Variants in WDR70 observed in about 807,000 individuals in gnomAD.
WDR70 encodes WD repeat domain 70.
A neutral mutation model predicts 88.6 loss-of-function variants in WDR70; 53 were observed. The ratio of observed to expected loss-of-function variants is 0.60; its 90% CI spans 0.48 to 0.75. WDR70 has a LOEUF of 0.75. Among genes scored for constraint, WDR70 ranks in the 30% least tolerant of loss-of-function variants. The probability of loss-of-function intolerance (pLI) is 0.00; values close to 1 mark genes in which losing one functional copy is unlikely to be tolerated. For missense variants in WDR70, 610 were observed against 823.2 expected (o/e 0.74, Z 3.17); for synonymous variants, 280 against 270.0 (o/e 1.04, Z -0.36).
intron 10 of WDR70, among the ~76,000 whole-genome samples, chr5:37,690,309 C>T (rs1386259174): frequency 6.6e-6 from 1 of 152,070 alleles, no homozygotes; most frequent in African/African-American, 2.4e-5. Flanking sequence ...TCCAGAACTT[C>T]CCCAACCTAG....
chr5:37,475,300 A>G (rs1022768607), intron 7 of WDR70, among the ~76,000 whole-genome samples: 3 of 151,780 alleles, frequency 2.0e-5, no homozygotes, highest in East Asian at 1.9e-4. Context: ...CAATGGCGCA[A>G]TCTGGCTCAC....
intron 16 of WDR70, among the ~76,000 whole-genome samples, chr5:37,725,920 G>T (rs1431574912): frequency 6.6e-6 from 1 of 152,072 alleles, no homozygotes; most frequent in African/African-American, 2.4e-5. Context: ...GTTCTGTACA[G>T]TCCAAATCAA....
chr5:37,445,498 C>T (rs182613918), intron 7 of WDR70, among the ~76,000 whole-genome samples: 334 of 152,142 alleles, frequency 2.2e-3, no homozygotes, highest in African/African-American at 7.7e-3. Context: ...GGATATTGGT[C>T]TAAAATTCTC....
At chr5:37,494,035 T>C (rs1372771945) in intron 8 of WDR70, among the ~76,000 whole-genome samples, 2 of 152,024 alleles carry the variant, frequency 1.3e-5, no homozygotes, top group African/African-American at 4.8e-5. Flanking sequence ...GCCAGGCTGG[T>C]CTCAAACTCC....
At chr5:37,662,924 A>G (rs1745739555) in intron 10 of WDR70, among the ~76,000 whole-genome samples, 1 of 152,338 alleles carries the variant, frequency 6.6e-6, no homozygotes, top group African/African-American at 2.4e-5. Flanking sequence ...GTGTTATTAA[A>G]ATACTGAGAC....
intron 6 of WDR70, among the ~76,000 whole-genome samples, chr5:37,442,341 A>G (rs1015168377): frequency 8.9e-5 from 3 of 33,562 alleles, no homozygotes; most frequent in African/African-American, 1.1e-4. Flanking sequence ...CTGGCCTGCA[A>G]ATTTTTTTTT....
At chr5:37,665,915 T>C (rs974130973) in intron 10 of WDR70, among the ~76,000 whole-genome samples, 1 of 152,212 alleles carries the variant, frequency 6.6e-6, no homozygotes, top group African/African-American at 2.4e-5. Context: ...CTCTGCTTCC[T>C]CACCCTCCCT....
At chr5:37,666,773 G>A (rs1392756340) in intron 10 of WDR70, among the ~76,000 whole-genome samples, 1 of 152,138 alleles carries the variant, frequency 6.6e-6, no homozygotes, top group African/African-American at 2.4e-5. Context: ...CGTTAAGTGT[G>A]CAGATCCTGG....
chr5:37,618,227 T>G (rs1484171301), intron 10 of WDR70, among the ~76,000 whole-genome samples: 1 of 152,242 alleles, frequency 6.6e-6, no homozygotes, highest in South Asian at 2.1e-4. Context: ...AAGCAAGCAG[T>G]TAATATAATC....
intron 10 of WDR70, among the ~76,000 whole-genome samples, chr5:37,653,582 G>T (rs187516409): frequency 6.6e-6 from 1 of 152,130 alleles, no homozygotes; most frequent in Non-Finnish European, 1.5e-5. Flanking sequence ...GCTTTTTTTG[G>T]TTAGTAGGCT....
At chr5:37,383,426 A>C (rs1748495363) in intron 3 of WDR70, among the ~76,000 whole-genome samples, 1 of 151,620 alleles carries the variant, frequency 6.6e-6, no homozygotes, top group African/African-American at 2.4e-5. Context: ...CGCCTGGCTA[A>C]TTTTTTTGTA....
intron 17 of WDR70, among the ~76,000 whole-genome samples, chr5:37,732,623 A>G (rs1748179604): frequency 6.6e-6 from 1 of 152,114 alleles, no homozygotes; most frequent in Admixed American, 6.6e-5. Flanking sequence ...AAGATGCTAA[A>G]AGGAGCTTTC....
chr5:37,536,979 A>G (rs1741687131), intron 9 of WDR70, among the ~76,000 whole-genome samples: 1 of 152,046 alleles, frequency 6.6e-6, no homozygotes, highest in Non-Finnish European at 1.5e-5. Context: ...CAAGTTCCCC[A>G]TTTCTCCAGA....
chr5:37,624,758 T>C (rs117892415), intron 10 of WDR70, among the ~76,000 whole-genome samples: 2 of 152,214 alleles, frequency 1.3e-5, no homozygotes, highest in East Asian at 1.9e-4. Flanking sequence ...TGTAGAAATA[T>C]GATTGGACAA....
intron 17 of WDR70, among the ~76,000 whole-genome samples, chr5:37,748,353 G>A (rs758651502): frequency 6.6e-6 from 1 of 152,290 alleles, no homozygotes; most frequent in Middle Eastern, 3.4e-3. Context: ...ACAAAGACAA[G>A]CAATGGGGAA....
rs772078372 is a variant in WDR70 at position 37,381,650 on chromosome 5, G to T, written c.140G>T (p.Arg47Leu). Residue 47 changes from arginine (R) to leucine (L), a missense_variant, in exon 3 of 18, where the codon CGA becomes CTA. By Grantham distance (102) the Arg-to-Leu change is moderately radical (BLOSUM62 -2). Transcript: ENST00000265107. ...TTGGAAGCAATGTTTGAACAAACTC[G>T]AAGGACAGCTGTGGAAAGAAGTCGC... ...FDLEAMFEQTRRTAVERSRKT... is the reference protein window; with the variant it reads ...FDLEAMFEQTLRTAVERSRKT... The T allele has an allele frequency of 3.8e-5, 62 of 1,611,840 alleles. No individual in the cohort carries two copies. Among genetic ancestry groups the T allele is most frequent in the Non-Finnish European group, 5.0e-5 (59 of 1,178,532 alleles).
intron 9 of WDR70, among the ~76,000 whole-genome samples, chr5:37,531,587 C>CTTTTTCTTTTTTTTTTTT (rs1355183991): frequency 1.3e-5 from 1 of 77,736 alleles, no homozygotes; most frequent in Non-Finnish European, 3.2e-5. Flanking sequence ...TAAAGTTTTT[C>CTTTTTCTTTTTTTTTTTT]TTTTTTTTTT....
chr5:37,513,694 G>A (rs1740791511), intron 8 of WDR70, among the ~76,000 whole-genome samples: 1 of 152,122 alleles, frequency 6.6e-6, no homozygotes, highest in African/African-American at 2.4e-5. Flanking sequence ...ATGTTTGAGG[G>A]CAGGAAACAT....
intron 9 of WDR70, among the ~76,000 whole-genome samples, chr5:37,526,280 C>T (rs915179794): frequency 6.6e-6 from 1 of 152,180 alleles, no homozygotes; most frequent in Non-Finnish European, 1.5e-5. Flanking sequence ...AAAAGCTTAT[C>T]CACCATGATC....
Sources: gnomAD v4.1 joint callset for allele counts (sites outside exome capture counted in the v4.1 genomes callset) on GRCh38, gnomAD v4.1.1 for gene constraint, MANE v1.5 for transcripts, NCBI Gene and HGNC (gene_info 2026-07-23, HGNC 2026-07-21) for gene names.